The following MYL1 variants were observed in gnomAD, a reference collection of about 807,000 sequenced individuals.
The protein encoded by MYL1 is myosin light chain 1/3, skeletal muscle isoform.
A neutral mutation model predicts 21.8 loss-of-function variants in MYL1; 16 were observed. The observed-to-expected ratio is 0.74, with a 90% CI of 0.50 to 1.12. The LOEUF (loss-of-function observed/expected upper bound fraction) is 1.12, where lower values mean the gene tolerates loss of function less well. Ranked by LOEUF, MYL1 falls within the 50% of genes most tolerant of loss-of-function variation. The probability of loss-of-function intolerance (pLI) is 0.00; values close to 1 mark genes in which losing one functional copy is unlikely to be tolerated. For missense variants in MYL1, 246 were observed against 241.0 expected, an observed-to-expected ratio of 1.02 and a Z score of -0.14; for synonymous variants, 99 against 85.2, an observed-to-expected ratio of 1.16 and a Z score of -0.89.
chr2:210,312,091 C>A (rs1223689961), intron 1 of MYL1, among the ~76,000 whole-genome samples: 3 of 151,746 alleles, frequency 2.0e-5, no homozygotes, highest in African/African-American at 4.8e-5. Flanking sequence ...CAAGATTATT[C>A]AAGATTTATG....
At chr2:210,306,022 T>C (rs1261666235) in intron 1 of MYL1, among the ~76,000 whole-genome samples, 1 of 151,296 alleles carries the variant, frequency 6.6e-6, no homozygotes, top group African/African-American at 2.4e-5. Context: ...ATCGTGCCAT[T>C]GCACTCCAAC....
intron 5 of MYL1, among the ~76,000 whole-genome samples, chr2:210,292,121 T>C (rs942186094): frequency 2.6e-5 from 4 of 152,150 alleles, no homozygotes; most frequent in African/African-American, 9.7e-5. Context: ...CAGGCTGGAG[T>C]GCAGTAACGC....
intron 3 of MYL1, among the ~76,000 whole-genome samples, chr2:210,296,242 G>A (rs954635016): frequency 6.6e-6 from 1 of 152,076 alleles, no homozygotes; most frequent in Non-Finnish European, 1.5e-5. Context: ...GATCAAATAA[G>A]GATAAATAGC....
At chr2:210,294,012 G>C (rs904975350) in intron 4 of MYL1, among the ~76,000 whole-genome samples, 1 of 152,156 alleles carries the variant, frequency 6.6e-6, no homozygotes, top group African/African-American at 2.4e-5. Context: ...AAAGTGTCCT[G>C]TAAGAACTAC....
chr2:210,303,959 G>T (rs1690302575), intron 1 of MYL1, among the ~76,000 whole-genome samples: 1 of 152,124 alleles, frequency 6.6e-6, no homozygotes, highest in African/African-American at 2.4e-5. Context: ...GATGACAGTG[G>T]ACTTTACAAA....
At chr2:210,308,463 T>A (rs1435463383) in intron 1 of MYL1, among the ~76,000 whole-genome samples, 3 of 137,904 alleles carry the variant, frequency 2.2e-5, no homozygotes, top group Non-Finnish European at 4.7e-5. Flanking sequence ...TAATATGGTA[T>A]AAACAGGGGA....
At chr2:210,312,644 T>TTA (rs1690432607) in intron 1 of MYL1, among the ~76,000 whole-genome samples, 1 of 151,928 alleles carries the variant, frequency 6.6e-6, no homozygotes, top group Non-Finnish European at 1.5e-5. Context: ...TATTTACATT[T>TTA]CTTTACAAAA....
intron 1 of MYL1, chr2:210,303,091 C>T (rs1041045269): frequency 1.5e-5 from 6 of 398,474 alleles, no homozygotes; most frequent in Non-Finnish European, 2.7e-5. Context: ...TGTTAAAGTA[C>T]AGATATACAC....
At chr2:210,313,037 C>T (rs1690440055) in intron 1 of MYL1, among the ~76,000 whole-genome samples, 1 of 151,750 alleles carries the variant, frequency 6.6e-6, no homozygotes, top group Non-Finnish European at 1.5e-5. Context: ...AGTGTTGCTT[C>T]TCTGCTGACT....
intron 1 of MYL1, among the ~76,000 whole-genome samples, chr2:210,306,274 A>T (rs1236386628): frequency 6.6e-6 from 1 of 150,880 alleles, no homozygotes; most frequent in East Asian, 2.0e-4. Context: ...GCAGCTACTC[A>T]GGAGGCTGAG....
chr2:210,293,674 A>G (rs749323068), intron 5 of MYL1, 49 bp downstream of exon 5: 20 of 1,510,254 alleles, frequency 1.3e-5, no homozygotes, highest in Admixed American at 8.7e-5. Context: ...CCCATCATCA[A>G]TCTGATCAGT....
chr2:210,305,836 G>A (rs534235985), intron 1 of MYL1, among the ~76,000 whole-genome samples: 48 of 146,212 alleles, frequency 3.3e-4, no homozygotes, highest in African/African-American at 1.2e-3. Flanking sequence ...CGAGGCGGGC[G>A]GATCACCTGA....
intron 1 of MYL1, among the ~76,000 whole-genome samples, chr2:210,314,189 TAA>T (rs1690456340): frequency 1.3e-5 from 2 of 152,310 alleles, no homozygotes; most frequent in Middle Eastern, 3.4e-3. Context: ...GCAAATACTC[TAA>T]GACATAAGCT....
chr2:210,307,347 T>C (rs1444745637), intron 1 of MYL1, among the ~76,000 whole-genome samples: 1 of 152,196 alleles, frequency 6.6e-6, no homozygotes, highest in African/African-American at 2.4e-5. Context: ...TGAAGCTCAA[T>C]AGATTTTCAT....
At chr2:210,302,794 T>C in intron 1 of MYL1, 1 of 1,562,608 alleles carries the variant, frequency 6.4e-7, no homozygotes, top group Non-Finnish European at 8.7e-7. Context: ...ACTGAAGGAC[T>C]GCAGTGGCGA....
intron 1 of MYL1, among the ~76,000 whole-genome samples, chr2:210,313,635 A>G (rs376596367): frequency 6.6e-6 from 1 of 152,026 alleles, no homozygotes; most frequent in Non-Finnish European, 1.5e-5. Flanking sequence ...TACTTCAAAT[A>G]CCTACAAACT....
chr2:210,296,863 A>G (rs1336711414), intron 3 of MYL1, among the ~76,000 whole-genome samples: 1 of 152,060 alleles, frequency 6.6e-6, no homozygotes, highest in East Asian at 1.9e-4. Context: ...TAGATTCTAC[A>G]TATGAGTGAG....
At chr2:210,310,733 T>G (rs1690406361) in intron 1 of MYL1, among the ~76,000 whole-genome samples, 1 of 152,010 alleles carries the variant, frequency 6.6e-6, no homozygotes, top group African/African-American at 2.4e-5. Context: ...GTCAAAAGTC[T>G]TGGTGAACTT....
intron 2 of MYL1, among the ~76,000 whole-genome samples, chr2:210,300,158 C>T (rs1040371845): frequency 6.6e-6 from 1 of 152,106 alleles, no homozygotes; most frequent in African/African-American, 2.4e-5. Flanking sequence ...TTCAGGCTTT[C>T]ATGGACAGAC....
Sources: gnomAD v4.1 joint callset for allele counts (sites outside exome capture counted in the v4.1 genomes callset) on GRCh38, gnomAD v4.1.1 for gene constraint, MANE v1.5 for transcripts, NCBI Gene and HGNC (gene_info 2026-07-23, HGNC 2026-07-21) for gene names.